The following NAA50 variants were observed in gnomAD, a reference collection of about 807,000 sequenced individuals.
The protein encoded by NAA50 is N-alpha-acetyltransferase 50, NatE catalytic subunit, also known as N-alpha-acetyltransferase 50.
In NAA50, 7 loss-of-function variants were observed where a neutral mutation model predicts 20.7. That is an observed-to-expected ratio of 0.34 (90% CI 0.19 to 0.63). The LOEUF (loss-of-function observed/expected upper bound fraction) is 0.63. Among genes scored for constraint, NAA50 ranks in the 30% least tolerant of loss-of-function variants. The probability of loss-of-function intolerance (pLI) is 0.75; values close to 1 mark genes in which losing one functional copy is unlikely to be tolerated. For missense variants in NAA50, 111 were observed against 199.1 expected (o/e 0.56, Z 2.66); for synonymous variants, 54 against 70.6 (o/e 0.77, Z 1.18).
chr3:113,739,055 C>T (rs1708379591), intron 1 of NAA50, among the ~76,000 whole-genome samples: 1 of 152,040 alleles, frequency 6.6e-6, no homozygotes, highest in Admixed American at 6.6e-5. Context: ...TGGTATATGT[C>T]CAAACTTCAC....
rs759015612 is a variant in NAA50, at chr3:113,723,937, CAAA to C, written c.145+19_145+21del. On this transcript the variant is annotated intron_variant, in intron 2 of 4. Transcript: ENST00000240922. Reference sequence around the variant, plus strand: ...CAAAAAGAAAGAAAAGAAGGGAGGACAAAAAAAAAACTATATTATACCAAGTTT... The same window carrying C: ...CAAAAAGAAAGAAAAGAAGGGAGGACAAAAAAACTATATTATACCAAGTTT... 7.8e-7 allele frequency: 1 copy of C among 1,282,876 alleles called. No homozygotes were observed. Among genetic ancestry groups the C allele is most frequent in the South Asian group, 1.6e-5 (1 of 63,750 alleles). 79.5% of individuals were successfully genotyped at this position (1,282,876 alleles called of 1,614,324 possible). A position where few individuals can be genotyped will look rare whatever the true frequency, so the allele number is the denominator to read the frequency against.
At chr3:113,744,143 G>C (rs140416395) in intron 1 of NAA50, among the ~76,000 whole-genome samples, 1 of 152,106 alleles carries the variant, frequency 6.6e-6, no homozygotes, top group African/African-American at 2.4e-5. Flanking sequence ...ACAAAAATGA[G>C]TAAGAGTCAG....
At chr3:113,741,411 G>A (rs746063339) in intron 1 of NAA50, among the ~76,000 whole-genome samples, 13 of 152,182 alleles carry the variant, frequency 8.5e-5, no homozygotes, top group Non-Finnish European at 1.6e-4. Flanking sequence ...TCACGTTCAC[G>A]ATGGGAAGAA....
At chr3:113,730,045 A>T (rs1281715127) in intron 1 of NAA50, among the ~76,000 whole-genome samples, 1 of 152,114 alleles carries the variant, frequency 6.6e-6, no homozygotes, top group African/African-American at 2.4e-5. Context: ...CACACCTGCA[A>T]TCCCAGCACT....
chr3:113,741,045 C>A, intron 1 of NAA50: 1 of 486,734 alleles, frequency 2.1e-6, no homozygotes, highest in Non-Finnish European at 4.1e-6. Flanking sequence ...TCTTCAGTGT[C>A]TGAGAATCTG....
chr3:113,734,035 G>A (rs1393622855), intron 1 of NAA50, among the ~76,000 whole-genome samples: 4 of 152,080 alleles, frequency 2.6e-5, no homozygotes, highest in Admixed American at 2.0e-4. Flanking sequence ...CCTACTTACT[G>A]TAGTTGATTG....
chr3:113,745,934 T>C lies in NAA50; in HGVS notation c.8+8A>G. On this transcript the variant is annotated splice_region_variant and intron_variant, in intron 1 of 4. Transcript: ENST00000240922. ...CCGGCCGGGCCCTGCCCGGCTGCCC[T>C]TCCTCACCCTTTCATCTTCCCCGCC... is the stretch of plus-strand genomic sequence containing the variant. 6.2e-7 allele frequency: 1 copy of C among 1,605,756 alleles called. No homozygotes were observed. Among genetic ancestry groups the C allele is most frequent in the South Asian group, 1.1e-5 (1 of 90,694 alleles).
At chr3:113,743,632 G>C (rs1708449056) in intron 1 of NAA50, among the ~76,000 whole-genome samples, 1 of 152,190 alleles carries the variant, frequency 6.6e-6, no homozygotes, top group African/African-American at 2.4e-5. Flanking sequence ...TCATCTGGGA[G>C]TTAGTTCATT....
rs1398728508 is a variant in NAA50 at position 113,745,763 on chromosome 3, CCAACAGCCCGA to C, written c.8+168_8+178del. On this transcript the variant is annotated intron_variant, in intron 1 of 4. Transcript: ENST00000240922. The stretch of plus-strand genomic sequence containing the variant: ...TTGCCTCCGCTGGCCCTTCAGCCCG[CCAACAGCCCGA>C]GCCTCGCCTCCGCCCCCTCCGGGAG... 59 of 738,814 alleles carry C rather than the reference CCAACAGCCCGA, an allele frequency of 8.0e-5. No homozygotes were observed. In the East Asian group the frequency reaches 1.8e-3, roughly 22 times the overall value. 45.8% of individuals were successfully genotyped at this position (738,814 alleles called of 1,614,324 possible). A position where few individuals can be genotyped will look rare whatever the true frequency, so the allele number is the denominator to read the frequency against.
chr3:113,741,850 G>A (rs1708421050), intron 1 of NAA50, among the ~76,000 whole-genome samples: 1 of 152,152 alleles, frequency 6.6e-6, no homozygotes, highest in Non-Finnish European at 1.5e-5. Context: ...CAACTGTATA[G>A]GCAGCAGACA....
chr3:113,723,702 T>A, intron 2 of NAA50, 161 bp from the exon 3 acceptor site: 1 of 925,150 alleles, frequency 1.1e-6, no homozygotes, highest in Non-Finnish European at 1.5e-6. Context: ...TTAGGAAGTT[T>A]AAGCCTCCTC....
chr3:113,730,239 G>A (rs1223330344), intron 1 of NAA50, among the ~76,000 whole-genome samples: 1 of 152,058 alleles, frequency 6.6e-6, no homozygotes, highest in African/African-American at 2.4e-5. Flanking sequence ...GGCAGAGGTT[G>A]CAGTGAGCCG....
At position 113,718,899 on chromosome 3, in the gene NAA50, AG is replaced by A. The variant is rs1708097544; in HGVS notation, c.*2860del. ...GATCTTAAATGTGAAAGTAAATAAA[AG>A]CAGTAAGGGAAACACTACACAATGA... On this transcript the variant is annotated 3_prime_UTR_variant, in exon 5 of 5. Transcript: ENST00000240922. 1 of 152,634 alleles carries A rather than the reference AG, an allele frequency of 6.6e-6. No homozygotes were observed. The highest frequency in any genetic ancestry group is 2.4e-5 in the African/African-American group (1 of 41,458). The allele number at this position is 152,634 out of a possible 1,614,324, so 9.5% of individuals were successfully genotyped here.
intron 1 of NAA50, among the ~76,000 whole-genome samples, chr3:113,745,044 G>A (rs965565507): frequency 6.6e-6 from 1 of 152,196 alleles, no homozygotes; most frequent in African/African-American, 2.4e-5. Flanking sequence ...CTCTTTGAGG[G>A]TAAAGACAAG....
At chr3:113,723,904 T>A in intron 2 of NAA50, 55 bp downstream of exon 2, 1 of 1,452,918 alleles carries the variant, frequency 6.9e-7, no homozygotes, top group East Asian at 2.4e-5. Flanking sequence ...AAAACTAGGG[T>A]TCAAGAACAA....
At chr3:113,741,258 A>G in intron 1 of NAA50, 1 of 389,716 alleles carries the variant, frequency 2.6e-6, no homozygotes, top group East Asian at 6.9e-5. Context: ...CAGACATCTT[A>G]CCCGGGAAAT....
At chr3:113,739,844 G>A (rs570379127) in intron 1 of NAA50, among the ~76,000 whole-genome samples, 9 of 152,178 alleles carry the variant, frequency 5.9e-5, no homozygotes, top group East Asian at 1.9e-4. Context: ...CTTTTTTATG[G>A]GTTTAGCACA....
intron 1 of NAA50, 195 bp downstream of exon 1, chr3:113,745,747 C>T (rs1403637032): frequency 9.5e-6 from 6 of 628,726 alleles, no homozygotes; most frequent in Non-Finnish European, 1.6e-5. Flanking sequence ...CTTGCCTCCG[C>T]TGGCCCTTCA....
At chr3:113,742,338 T>C (rs1257938682) in intron 1 of NAA50, among the ~76,000 whole-genome samples, 1 of 152,076 alleles carries the variant, frequency 6.6e-6, no homozygotes, top group East Asian at 1.9e-4. Context: ...CATGGCTCTC[T>C]GCAGCCTTGA....
Sources: allele counts gnomAD v4.1 joint callset (sites outside exome capture counted in the v4.1 genomes callset), GRCh38; gene constraint gnomAD v4.1.1; transcripts MANE v1.5; gene names NCBI Gene and HGNC (gene_info 2026-07-23, HGNC 2026-07-21).